BRD3: variants seen among roughly 807,000 people sequenced by gnomAD.
BRD3 encodes bromodomain-containing protein 3.
In BRD3, 17 loss-of-function variants were observed where a neutral mutation model predicts 66.8. The observed-to-expected ratio is 0.25, with a 90% confidence interval of 0.17 to 0.38. The LOEUF is 0.38. BRD3 is among the 10% of genes least tolerant of loss of function. BRD3 has a pLI of 1.00. For synonymous variants in BRD3, 421 were observed against 393.2 expected (o/e 1.07, Z -0.84); for missense variants, 713 against 956.1 (o/e 0.75, Z 3.35).
chr9:134,053,157 A>T, intron 2 of BRD3, 108 bp downstream of exon 2: 1 of 1,268,338 alleles, frequency 7.9e-7, no homozygotes, highest in Non-Finnish European at 1.1e-6. Context: ...CCAGCTTAGC[A>T]GCAAATTCCC....
intron 7 of BRD3, 139 bp from the exon 8 acceptor site, chr9:134,042,090 C>A (rs1052207313): frequency 6.0e-6 from 6 of 1,006,400 alleles, no homozygotes; most frequent in Non-Finnish European, 8.3e-6. Context: ...GAGACAGGGT[C>A]CCGCCTGCCT....
chr9:134,058,296 G>A (rs564561558), intron 1 of BRD3: 1 of 152,372 alleles, frequency 6.6e-6, no homozygotes, highest in Non-Finnish European at 1.5e-5. Context: ...GGTGCCCCTA[G>A]ATCCCAAGTC....
intron 1 of BRD3, among the ~76,000 whole-genome samples, chr9:134,066,216 T>C (rs1172181043): frequency 6.6e-6 from 1 of 152,134 alleles, no homozygotes; most frequent in East Asian, 1.9e-4. Flanking sequence ...ACCGGGCCTC[T>C]GAGGCTACCC....
At chr9:134,037,218 T>G (rs1284539149) in intron 9 of BRD3, among the ~76,000 whole-genome samples, 1 of 151,924 alleles carries the variant, frequency 6.6e-6, no homozygotes, top group African/African-American at 2.4e-5. Context: ...AGAAAGCTGG[T>G]GTGGGTATAT....
At position 134,033,743 on chromosome 9, in the gene BRD3, C is replaced by T. The variant is rs199825398; in HGVS notation, c.2066-38G>A. ...GGGCAGGGAGATGCGCTCGCACACC[C>T]GCTTCTTGACCCGCTTGGCGGCATG... On this transcript the variant is annotated intron_variant, in intron 11 of 11. Transcript: ENST00000303407. The surrounding 1 kb of genome is among the most constrained non-coding windows in gnomAD (Gnocchi z 5.1). 96 of 692,644 alleles carry T rather than the reference C, an allele frequency of 1.4e-4. No homozygotes were observed. Among genetic ancestry groups the T allele is most frequent in the Middle Eastern group, 6.9e-4 (2 of 2,882 alleles). 42.9% of individuals were successfully genotyped at this position (692,644 alleles called of 1,614,324 possible).
chr9:134,045,429 A>T lies in BRD3; in HGVS notation c.1087-8T>A. 1 of 1,613,226 alleles carries T rather than the reference A, an allele frequency of 6.2e-7. No individual in the cohort carries two copies. On this transcript the variant is annotated splice_polypyrimidine_tract_variant and splice_region_variant and intron_variant, in intron 6 of 11. Transcript: ENST00000303407. This position sits in a 1 kb window ranked among gnomAD's most constrained non-coding sequence, Gnocchi z 4.8. Reference sequence around the variant, plus strand: ...TCGGCCATCCATCTTCCTCTGCAACACACAGTGACAGGGGCCAGTGAGCGT... The same window carrying T: ...TCGGCCATCCATCTTCCTCTGCAACTCACAGTGACAGGGGCCAGTGAGCGT...
chr9:134,036,047 G>A lies in BRD3; in HGVS notation c.1921C>T (p.Gln641Ter), dbSNP rs1829905422. The change falls in exon 10 of 12, where the codon CAA becomes TAA. Residue 641 changes from glutamine to a stop codon, truncating the protein, a stop_gained. Transcript: ENST00000303407. LOFTEE classifies it high-confidence loss of function. ...RYVKSCLQKKQRKPFSASGKK... is the reference protein window; with the variant it reads ...RYVKSCLQKK The stretch of plus-strand genomic sequence containing the variant: ...GGCAACTTACAGAACGGTTTCCTTT[G>A]CTTTTTCTGTAAACAAGACTTGACA... 6.2e-7 allele frequency: 1 copy of A among 1,605,196 alleles called. No homozygotes were observed. The highest frequency in any genetic ancestry group is 1.3e-5 in the African/African-American group (1 of 74,456).
chr9:134,055,513 G>A (rs10993902), intron 1 of BRD3, among the ~76,000 whole-genome samples: 6,667 of 152,226 alleles, frequency 0.044, 391 homozygotes, highest in African/African-American at 0.14. Context: ...CCAGCCACAC[G>A]GCCTGGTCCT....
In BRD3 at chr9:134,045,641, T is replaced by C. The variant is rs1588283489; in HGVS notation, c.1087-220A>G. ...TGACTTGATGGCTTGGCAGGGAGGG[T>C]CTGGGACTCCAGAGACAGATCTCCT... On this transcript the variant is annotated intron_variant, in intron 6 of 11. Coordinates refer to ENST00000303407, the MANE Select transcript of BRD3 (RefSeq NM_007371.4). This position sits in a 1 kb window ranked among gnomAD's most constrained non-coding sequence, Gnocchi z 4.8. Among the ~76,000 whole-genome samples, 2 of 151,724 alleles carry C rather than the reference T, an allele frequency of 1.3e-5. No individual in the cohort carries two copies. Among genetic ancestry groups the C allele is most frequent in the South Asian group, 4.2e-4 (2 of 4,788 alleles).
At chr9:134,061,563 G>A (rs550991175) in intron 1 of BRD3, among the ~76,000 whole-genome samples, 2 of 152,190 alleles carry the variant, frequency 1.3e-5, no homozygotes, top group East Asian at 3.9e-4. Flanking sequence ...ATTCCCCATG[G>A]GTCTCCAGCC....
intron 1 of BRD3, among the ~76,000 whole-genome samples, chr9:134,059,207 C>T (rs1830488107): frequency 6.6e-6 from 1 of 152,220 alleles, no homozygotes; most frequent in Admixed American, 6.5e-5. Flanking sequence ...AGAGCTGCCC[C>T]CGCCCGCGGA....
At chr9:134,050,703 C>T in intron 4 of BRD3, 115 bp from the exon 5 acceptor site, 1 of 832,738 alleles carries the variant, frequency 1.2e-6, no homozygotes, top group Non-Finnish European at 1.9e-6. Flanking sequence ...GCCAAGACCG[C>T]CGGCCAGAAG....
At position 134,033,441 on chromosome 9, in the gene BRD3, T is replaced by C; in HGVS notation, c.*149A>G. The C allele has an allele frequency of 5.2e-6, 3 of 581,924 alleles. No individual in the cohort carries two copies. The highest frequency in any genetic ancestry group is 4.2e-5 in the South Asian group (2 of 47,746). The allele number at this position is 581,924 out of a possible 1,614,324, so 36.0% of individuals were successfully genotyped here. A position where few individuals can be genotyped will look rare whatever the true frequency, so the allele number is the denominator to read the frequency against. On this transcript the variant is annotated 3_prime_UTR_variant, in exon 12 of 12. Transcript: ENST00000303407. This position sits in a 1 kb window ranked among gnomAD's most constrained non-coding sequence, Gnocchi z 5.1. ...ACACACAAGATAGATCTCTGACCTA[T>C]GAAAGCAAAAACTGGAAGATATCAT...
intron 1 of BRD3, among the ~76,000 whole-genome samples, chr9:134,059,169 G>A (rs1830487538): frequency 6.6e-6 from 1 of 152,236 alleles, no homozygotes; most frequent in Admixed American, 6.5e-5. Context: ...GTGAAAATGA[G>A]TGGGGTCTGG....
rs200464699 is a variant in BRD3 at position 134,036,023 on chromosome 9, G to A, written c.1936+9C>T. Reference sequence around the variant, plus strand: ...ACTTCAAGCACCACGCTCCACGCAGGCAACTTACAGAACGGTTTCCTTTGC... The same window carrying A: ...ACTTCAAGCACCACGCTCCACGCAGACAACTTACAGAACGGTTTCCTTTGC... On this transcript the variant is annotated intron_variant, in intron 10 of 11. Coordinates refer to ENST00000303407, the MANE Select transcript of BRD3 (RefSeq NM_007371.4). 3 of 1,585,380 alleles carry A rather than the reference G, an allele frequency of 1.9e-6. No homozygotes were observed. Among genetic ancestry groups the A allele is most frequent in the Non-Finnish European group, 1.7e-6 (2 of 1,163,802 alleles).
Position 134,042,724 on chromosome 9 carries a change from CAT to C in BRD3, c.1216-775_1216-774del, listed in dbSNP as rs566280194. The stretch of plus-strand genomic sequence containing the variant: ...ACACATATATATACACATATATACA[CAT>C]ATATATACACACATATATACACATA... On this transcript the variant is annotated intron_variant, in intron 7 of 11. Coordinates refer to ENST00000303407, the MANE Select transcript of BRD3 (RefSeq NM_007371.4). 3.5e-3 allele frequency among the ~76,000 whole-genome samples: 521 copies of C among 150,168 alleles called. 1 individual carries two copies. Among genetic ancestry groups the C allele is most frequent in the Non-Finnish European group, 5.4e-3 (369 of 67,830 alleles).
chr9:134,042,018 T>C, intron 7 of BRD3, 67 bp from the exon 8 acceptor site: 1 of 1,452,912 alleles, frequency 6.9e-7, no homozygotes, highest in South Asian at 1.4e-5. Flanking sequence ...GTGTGGGCCC[T>C]CAGGGTTTCT....
intron 1 of BRD3, among the ~76,000 whole-genome samples, chr9:134,067,341 G>GC (rs1465019971): frequency 6.6e-6 from 1 of 151,510 alleles, no homozygotes; most frequent in Non-Finnish European, 1.5e-5. Context: ...CCAGGGCCGA[G>GC]CCCGGCCTTG....
At chr9:134,039,052 C>T (rs1401448238) in intron 9 of BRD3, among the ~76,000 whole-genome samples, 1 of 152,074 alleles carries the variant, frequency 6.6e-6, no homozygotes, top group African/African-American at 2.4e-5. Flanking sequence ...AAACCCAGGA[C>T]CCCCATGCTC....
Sources: gnomAD v4.1 joint callset for allele counts (sites outside exome capture counted in the v4.1 genomes callset) on GRCh38, gnomAD v4.1.1 for gene constraint, Gnocchi (gnomAD v3.1) non-coding constraint, MANE v1.5 for transcripts, NCBI Gene and HGNC (gene_info 2026-07-23, HGNC 2026-07-21) for gene names.